The following LRRC4C variants were observed in gnomAD, a reference collection of about 807,000 sequenced individuals.
The protein encoded by LRRC4C is leucine rich repeat containing 4C, also known as leucine-rich repeat-containing protein 4C.
In LRRC4C, 5 loss-of-function variants were observed where a neutral mutation model predicts 33.6. That is an observed-to-expected ratio of 0.15 (90% CI 0.08 to 0.31). The LOEUF (loss-of-function observed/expected upper bound fraction) is 0.31. LRRC4C is among the 10% of genes least tolerant of loss of function. LRRC4C has a pLI of 1.00. For missense variants in LRRC4C, 560 were observed against 796.7 expected, an observed-to-expected ratio of 0.70 and a Z score of 3.58; for synonymous variants, 329 against 302.0, an observed-to-expected ratio of 1.09 and a Z score of -0.93.
intron 2 of LRRC4C, among the ~76,000 whole-genome samples, chr11:40,700,724 T>G (rs1162335089): frequency 6.6e-6 from 1 of 152,164 alleles, no homozygotes; most frequent in Non-Finnish European, 1.5e-5. Flanking sequence ...CTCATACAAA[T>G]GCACTTTCCA....
At chr11:41,012,125 A>G (rs1051068894) in intron 1 of LRRC4C, among the ~76,000 whole-genome samples, 3 of 152,180 alleles carry the variant, frequency 2.0e-5, no homozygotes, top group South Asian at 2.1e-4. Context: ...GAAATGTACA[A>G]TAGATTACTG....
chr11:41,151,646 A>T (rs192472054), intron 1 of LRRC4C, among the ~76,000 whole-genome samples: 1 of 152,368 alleles, frequency 6.6e-6, no homozygotes, highest in East Asian at 1.9e-4. Context: ...GAAACTGCAC[A>T]TTCAAACCCA....
At chr11:40,506,743 T>C (rs1955055629) in intron 3 of LRRC4C, among the ~76,000 whole-genome samples, 1 of 152,142 alleles carries the variant, frequency 6.6e-6, no homozygotes, top group Non-Finnish European at 1.5e-5. Flanking sequence ...TAATGCCTTA[T>C]AATTTCATAG....
At chr11:40,590,016 T>C (rs1386069096) in intron 3 of LRRC4C, among the ~76,000 whole-genome samples, 1 of 151,676 alleles carries the variant, frequency 6.6e-6, no homozygotes, top group Non-Finnish European at 1.5e-5. Flanking sequence ...TGAATCTGAA[T>C]GTTGACCTGC....
At chr11:41,218,916 T>C (rs1201412237) in intron 1 of LRRC4C, among the ~76,000 whole-genome samples, 5 of 151,814 alleles carry the variant, frequency 3.3e-5, no homozygotes, top group African/African-American at 4.8e-5. Flanking sequence ...TACAGGCGCC[T>C]GCCACCACGC....
intron 1 of LRRC4C, among the ~76,000 whole-genome samples, chr11:41,387,298 T>C (rs1953400230): frequency 6.6e-6 from 1 of 151,680 alleles, no homozygotes; most frequent in South Asian, 2.1e-4. Context: ...GGAGAAAGAT[T>C]AGATGTAGAG....
chr11:40,961,391 T>C (rs927092664), intron 1 of LRRC4C, among the ~76,000 whole-genome samples: 1 of 151,712 alleles, frequency 6.6e-6, no homozygotes, highest in African/African-American at 2.4e-5. Context: ...CTCCTTGGTG[T>C]CTGTGCTCTG....
At chr11:41,259,456 A>G (rs1275609674) in intron 1 of LRRC4C, among the ~76,000 whole-genome samples, 3 of 152,056 alleles carry the variant, frequency 2.0e-5, no homozygotes, top group African/African-American at 7.2e-5. Flanking sequence ...CTTTTATGAA[A>G]CAATTATATC....
intron 3 of LRRC4C, among the ~76,000 whole-genome samples, chr11:40,350,668 T>C (rs539760185): frequency 1.3e-5 from 2 of 152,134 alleles, no homozygotes; most frequent in African/African-American, 2.4e-5. Flanking sequence ...ATTGAATCAA[T>C]AGATTGCTTT....
At chr11:40,733,016 G>A (rs1451356586) in intron 2 of LRRC4C, among the ~76,000 whole-genome samples, 2 of 146,104 alleles carry the variant, frequency 1.4e-5, no homozygotes, top group African/African-American at 2.5e-5. Context: ...CATCACAGAG[G>A]TTGGAATGTA....
chr11:40,681,347 T>G (rs539848928), intron 2 of LRRC4C, among the ~76,000 whole-genome samples: 1 of 152,328 alleles, frequency 6.6e-6, no homozygotes, highest in African/African-American at 2.4e-5. Flanking sequence ...CTTTGAAAAC[T>G]GTCTGCCCCA....
At chr11:40,309,320 GT>G (rs1178944076) in intron 4 of LRRC4C, among the ~76,000 whole-genome samples, 2 of 152,074 alleles carry the variant, frequency 1.3e-5, no homozygotes, top group African/African-American at 4.8e-5. Flanking sequence ...GTGTGGTCTT[GT>G]GTGTCTGGCT....
At chr11:41,302,148 A>C (rs1423086341) in intron 1 of LRRC4C, among the ~76,000 whole-genome samples, 2 of 152,210 alleles carry the variant, frequency 1.3e-5, no homozygotes, top group African/African-American at 4.8e-5. Context: ...AAAAATTGGA[A>C]ATTAGGATAC....
intron 3 of LRRC4C, among the ~76,000 whole-genome samples, chr11:40,416,045 TTTA>T (rs1476894551): frequency 6.6e-6 from 1 of 152,182 alleles, no homozygotes; most frequent in Non-Finnish European, 1.5e-5. Context: ...AAAATTGTAT[TTTA>T]TTTTTACTCA....
intron 2 of LRRC4C, among the ~76,000 whole-genome samples, chr11:40,762,907 G>C (rs1385765330): frequency 6.6e-6 from 1 of 151,706 alleles, no homozygotes; most frequent in Non-Finnish European, 1.5e-5. Flanking sequence ...TATGATGCTT[G>C]TTTTCATGGC....
At chr11:40,980,655 G>A (rs1852451608) in intron 1 of LRRC4C, among the ~76,000 whole-genome samples, 1 of 152,138 alleles carries the variant, frequency 6.6e-6, no homozygotes, top group African/African-American at 2.4e-5. Flanking sequence ...GCGGGTTATG[G>A]TTAGTTCCCC....
chr11:40,419,080 T>C (rs148596198), intron 3 of LRRC4C, among the ~76,000 whole-genome samples: 1 of 151,944 alleles, frequency 6.6e-6, no homozygotes, highest in African/African-American at 2.4e-5. Context: ...TGGCACACAT[T>C]TACCTATGTA....
At chr11:40,200,173 T>C (rs1344632470) in intron 5 of LRRC4C, among the ~76,000 whole-genome samples, 2 of 82,176 alleles carry the variant, frequency 2.4e-5, no homozygotes, top group Non-Finnish European at 4.4e-5. Context: ...AGAAAGCCTG[T>C]CTCCACTAAA....
intron 6 of LRRC4C, among the ~76,000 whole-genome samples, chr11:40,139,734 T>C (rs1233247271): frequency 6.6e-6 from 1 of 152,228 alleles, no homozygotes; most frequent in Non-Finnish European, 1.5e-5. Context: ...AGATCATTTG[T>C]GAGCAATGAA....
Sources: allele counts gnomAD v4.1 joint callset (sites outside exome capture counted in the v4.1 genomes callset), GRCh38; gene constraint gnomAD v4.1.1; transcripts MANE v1.5; gene names NCBI Gene and HGNC (gene_info 2026-07-23, HGNC 2026-07-21).